SCN7A: variants seen among roughly 807,000 people sequenced by gnomAD.
The protein encoded by SCN7A is sodium channel protein type 7 subunit alpha.
SCN7A carries 138 observed loss-of-function variants against 155.2 expected under a neutral mutation model. The ratio of observed to expected loss-of-function variants is 0.89; its 90% CI spans 0.77 to 1.02. The LOEUF (loss-of-function observed/expected upper bound fraction) is 1.02. SCN7A is among the 50% of genes least tolerant of loss of function. SCN7A has a pLI of 0.00. For synonymous variants in SCN7A, 693 were observed against 649.0 expected, an observed-to-expected ratio of 1.07 and a Z score of -1.03; for missense variants, 2,058 against 1,986.6, an observed-to-expected ratio of 1.04 and a Z score of -0.68.
At chr2:166,445,099 T>TA in intron 12 of SCN7A, 99 bp from the exon 13 acceptor site, 2 of 688,692 alleles carry the variant, frequency 2.9e-6, no homozygotes, top group South Asian at 3.7e-5. Context: ...GTGAATCACT[T>TA]AAGTTCAGGA....
chr2:166,441,573 T>G lies in SCN7A; in HGVS notation c.1980A>C (p.Ile660=). Residue 660 remains isoleucine, a synonymous_variant, in exon 15 of 26, where the codon ATA becomes ATC. Coordinates refer to ENST00000643258, the MANE Select transcript of SCN7A (RefSeq NM_002976.4). ...GKNYEEFVCH[I]DKDCQLPRWH... Reference sequence around the variant, plus strand: ...AGCGTGGGAGTTGACAGTCTTTGTCTATGTGGCAGACAAATTCTTCATAAT... The same window carrying G: ...AGCGTGGGAGTTGACAGTCTTTGTCGATGTGGCAGACAAATTCTTCATAAT... 1 of 1,614,070 alleles carries G rather than the reference T, an allele frequency of 6.2e-7. No homozygotes were observed. Among genetic ancestry groups the G allele is most frequent in the East Asian group, 2.2e-5 (1 of 44,864 alleles).
chr2:166,436,088 A>G (rs1385773968), intron 15 of SCN7A, among the ~76,000 whole-genome samples: 1 of 152,196 alleles, frequency 6.6e-6, no homozygotes, highest in Non-Finnish European at 1.5e-5. Flanking sequence ...TGTTATGTTC[A>G]TTCCTCCATT....
At chr2:166,465,420 C>T (rs1289383929) in intron 9 of SCN7A, 42 bp downstream of exon 9, 3 of 1,301,092 alleles carry the variant, frequency 2.3e-6, no homozygotes, top group East Asian at 2.3e-5. Context: ...ATACTATTGA[C>T]AGGTGATAAT....
chr2:166,432,567 T>C lies in SCN7A; in HGVS notation c.2343A>G (p.Val781=). Residue 781 remains valine (V), a synonymous_variant, in exon 16 of 26, where the codon GTA becomes GTG. Coordinates refer to ENST00000643258, the MANE Select transcript of SCN7A (RefSeq NM_002976.4). The part of the protein sequence containing the change: ...QNVPKDTMDH[V]NEVYVKEDIS... ...TATCTTCTTTAACATATACCTCATT[T>C]ACATGGTCCATTGTGTCCTTTGGGA... The C allele has an allele frequency of 6.2e-7, 1 of 1,613,516 alleles. No individual in the cohort carries two copies. The highest frequency in any genetic ancestry group is 8.5e-7 in the Non-Finnish European group (1 of 1,179,598).
At chr2:166,439,055 G>GTGTATGTATATA (rs375208870) in intron 15 of SCN7A, among the ~76,000 whole-genome samples, 1 of 113,412 alleles carries the variant, frequency 8.8e-6, no homozygotes, top group Non-Finnish European at 1.7e-5. Context: ...GTGTGTGTGT[G>GTGTATGTATATA]TATATATATA....
intron 1 of SCN7A, among the ~76,000 whole-genome samples, chr2:166,491,576 C>G (rs190390095): frequency 6.6e-6 from 1 of 152,188 alleles, no homozygotes; most frequent in Non-Finnish European, 1.5e-5. Flanking sequence ...TTATCTTTAA[C>G]TTCAAAGGCT....
rs910102220 is a variant in SCN7A at position 166,404,274 on chromosome 2, A to G, written c.*1306T>C. On this transcript the variant is annotated 3_prime_UTR_variant, in exon 26 of 26. Transcript: ENST00000643258. ...AGTAAATGACTATATTTGTATGAAT[A>G]AGTCTAAGGACAACTATTTATGCCT... 6 of 152,024 alleles carry G rather than the reference A, an allele frequency of 3.9e-5. No individual in the cohort carries two copies. Among genetic ancestry groups the G allele is most frequent in the African/African-American group, 1.4e-4 (6 of 41,436 alleles). 9.4% of individuals were successfully genotyped at this position (152,024 alleles called of 1,614,324 possible). A position where few individuals can be genotyped will look rare whatever the true frequency, so the allele number is the denominator to read the frequency against.
chr2:166,458,507 T>C (rs1227478574), intron 10 of SCN7A, among the ~76,000 whole-genome samples: 1 of 152,162 alleles, frequency 6.6e-6, no homozygotes, highest in African/African-American at 2.4e-5. Context: ...CAATATAGTG[T>C]AACAACTATA....
chr2:166,410,931 T>C (rs1701190168), intron 23 of SCN7A, among the ~76,000 whole-genome samples: 1 of 151,992 alleles, frequency 6.6e-6, no homozygotes, highest in Non-Finnish European at 1.5e-5. Flanking sequence ...GAATTAGGAA[T>C]TGTTACTGCT....
chr2:166,410,405 G>C, intron 23 of SCN7A, 81 bp from the exon 24 acceptor site: 3 of 863,176 alleles, frequency 3.5e-6, no homozygotes, highest in Non-Finnish European at 5.2e-6. Flanking sequence ...TTAAAGACTT[G>C]GCAATTATTG....
At chr2:166,423,022 C>T (rs552052851) in intron 19 of SCN7A, among the ~76,000 whole-genome samples, 179 of 152,166 alleles carry the variant, frequency 1.2e-3, no homozygotes, top group African/African-American at 4.1e-3. Flanking sequence ...ACATGGTTAA[C>T]AGTAAATTCA....
chr2:166,473,707 T>C (rs915737281), intron 5 of SCN7A, 92 bp downstream of exon 5: 4 of 293,244 alleles, frequency 1.4e-5, no homozygotes, highest in Non-Finnish European at 2.5e-5. Flanking sequence ...AAATATAATG[T>C]ATCATAATTC....
intron 7 of SCN7A, among the ~76,000 whole-genome samples, chr2:166,468,521 G>T (rs1702585907): frequency 6.6e-6 from 1 of 152,074 alleles, no homozygotes; most frequent in South Asian, 2.1e-4. Context: ...ATGAACCACG[G>T]AAGTCCATGT....
intron 15 of SCN7A, among the ~76,000 whole-genome samples, chr2:166,434,090 T>C (rs1701789300): frequency 6.6e-6 from 1 of 152,158 alleles, no homozygotes; most frequent in South Asian, 2.1e-4. Context: ...ACTCATATTT[T>C]GAAACTTTTT....
chr2:166,475,016 ATG>A (rs1275419965), intron 3 of SCN7A, among the ~76,000 whole-genome samples: 33 of 143,224 alleles, frequency 2.3e-4, no homozygotes, highest in African/African-American at 5.2e-4. Flanking sequence ...ATGTACATGA[ATG>A]TGTGTGTGTG....
chr2:166,409,642 A>G (rs963202911), intron 25 of SCN7A, 23 bp downstream of exon 25: 1 of 1,446,520 alleles, frequency 6.9e-7, no homozygotes, highest in Non-Finnish European at 9.1e-7. Context: ...TATCAGTAAA[A>G]ATTTGACTAA....
At chr2:166,408,764 T>C (rs775337714) in intron 25 of SCN7A, among the ~76,000 whole-genome samples, 6 of 152,044 alleles carry the variant, frequency 3.9e-5, no homozygotes, top group Admixed American at 6.6e-5. Flanking sequence ...ACTCAATGCA[T>C]AGAATAGTGC....
At chr2:166,410,660 C>T (rs1701182695) in intron 23 of SCN7A, among the ~76,000 whole-genome samples, 1 of 151,860 alleles carries the variant, frequency 6.6e-6, no homozygotes, top group African/African-American at 2.4e-5. Flanking sequence ...AAAGGTTGAG[C>T]TCAATAGCTA....
intron 18 of SCN7A, among the ~76,000 whole-genome samples, chr2:166,426,328 C>T (rs1036308078): frequency 2.6e-5 from 4 of 152,014 alleles, no homozygotes; most frequent in Admixed American, 6.6e-5. Flanking sequence ...TGGAGAAAGG[C>T]GTAGTATGGA....
Sources: allele counts gnomAD v4.1 joint callset (sites outside exome capture counted in the v4.1 genomes callset), GRCh38; gene constraint gnomAD v4.1.1; transcripts MANE v1.5; gene names NCBI Gene and HGNC (gene_info 2026-07-23, HGNC 2026-07-21).